PIGN: variants seen among roughly 807,000 people sequenced by gnomAD.
The protein encoded by PIGN is GPI ethanolamine phosphate transferase 1.
PIGN carries 117 observed loss-of-function variants against 125.4 expected under a neutral mutation model. The ratio of observed to expected loss-of-function variants is 0.93; its 90% CI spans 0.80 to 1.09. The LOEUF is 1.09. Ranked by LOEUF, PIGN falls within the 50% of genes least tolerant of loss-of-function variation. PIGN has a pLI of 0.00. For missense variants in PIGN, 1,075 were observed against 1,094.9 expected, an observed-to-expected ratio of 0.98 and a Z score of 0.26; for synonymous variants, 392 against 377.8, an observed-to-expected ratio of 1.04 and a Z score of -0.44.
intron 11 of PIGN, among the ~76,000 whole-genome samples, chr18:62,141,870 G>A (rs1279250489): frequency 1.3e-5 from 2 of 152,118 alleles, no homozygotes; most frequent in Non-Finnish European, 2.9e-5. Flanking sequence ...CTTTCTTCAA[G>A]ACCCTTTAAT....
chr18:62,086,619 T>G (rs113202011), intron 25 of PIGN, among the ~76,000 whole-genome samples: 65 of 24,976 alleles, frequency 2.6e-3, no homozygotes, highest in South Asian at 0.022. Flanking sequence ...CCGTTTTTTG[T>G]TTTTTTTTTT....
chr18:62,041,619 C>T lies in PIGN; in HGVS notation c.*4237G>A, dbSNP rs1056334752. On this transcript the variant is annotated 3_prime_UTR_variant, in exon 31 of 31. Coordinates refer to ENST00000640252, the MANE Select transcript of PIGN (RefSeq NM_176787.5). The stretch of plus-strand genomic sequence containing the variant: ...TCAGGCTCCTGAGTAGCAAGGATTA[C>T]AGGAGCCTACCACCCCGCCGGGTGT... The T allele has an allele frequency of 1.4e-5, 2 of 146,124 alleles. No homozygotes were observed. The highest frequency in any genetic ancestry group is 5.2e-5 in the African/African-American group (2 of 38,466). 9.1% of individuals were successfully genotyped at this position (146,124 alleles called of 1,614,324 possible).
At chr18:62,135,282 A>C (rs961083463) in intron 14 of PIGN, among the ~76,000 whole-genome samples, 4 of 152,148 alleles carry the variant, frequency 2.6e-5, no homozygotes, top group Non-Finnish European at 5.9e-5. Flanking sequence ...ATATGACCTC[A>C]AGAGTCCATT....
chr18:62,171,780 A>T (rs998892886), intron 1 of PIGN, among the ~76,000 whole-genome samples: 15 of 152,206 alleles, frequency 9.9e-5, no homozygotes, highest in African/African-American at 3.1e-4. Context: ...AATATTGATT[A>T]AATTTCAAAT....
intron 17 of PIGN, among the ~76,000 whole-genome samples, chr18:62,109,231 C>A (rs964456132): frequency 6.6e-6 from 1 of 152,150 alleles, no homozygotes; most frequent in East Asian, 1.9e-4. Context: ...CACCAAAGAG[C>A]CTTACTTCTA....
At chr18:62,064,630 T>C (rs1260909039) in intron 30 of PIGN, among the ~76,000 whole-genome samples, 1 of 152,214 alleles carries the variant, frequency 6.6e-6, no homozygotes, top group Non-Finnish European at 1.5e-5. Context: ...CTTCACATCA[T>C]TTCATGAGAC....
chr18:62,067,428 A>C (rs1022531388), intron 30 of PIGN, among the ~76,000 whole-genome samples: 1 of 152,240 alleles, frequency 6.6e-6, no homozygotes, highest in African/African-American at 2.4e-5. Flanking sequence ...AACAACTTCA[A>C]TATATAGAAC....
intron 30 of PIGN, among the ~76,000 whole-genome samples, chr18:62,056,466 C>G (rs1170671616): frequency 6.6e-6 from 1 of 152,060 alleles, no homozygotes; most frequent in Non-Finnish European, 1.5e-5. Context: ...CCTTTCTCCT[C>G]TCCTCAAAGT....
At chr18:62,138,124 A>T (rs1017112681) in intron 14 of PIGN, 119 bp downstream of exon 14, 43 of 1,340,366 alleles carry the variant, frequency 3.2e-5, no homozygotes, top group Non-Finnish European at 4.0e-5. Flanking sequence ...TGGAGTTTAC[A>T]CTAATGTATA....
At chr18:62,155,766 C>T (rs907190431) in intron 6 of PIGN, among the ~76,000 whole-genome samples, 1 of 152,104 alleles carries the variant, frequency 6.6e-6, no homozygotes, top group Non-Finnish European at 1.5e-5. Flanking sequence ...TTGTCCTCTC[C>T]CATCCATTGT....
intron 30 of PIGN, among the ~76,000 whole-genome samples, chr18:62,067,254 C>A (rs369139141): frequency 7.2e-4 from 110 of 152,240 alleles, no homozygotes; most frequent in African/African-American, 2.6e-3. Context: ...TCCTACTAAC[C>A]AGAATTTAAT....
chr18:62,173,708 A>G (rs1206312183), intron 1 of PIGN, among the ~76,000 whole-genome samples: 1 of 152,244 alleles, frequency 6.6e-6, no homozygotes, highest in Non-Finnish European at 1.5e-5. Context: ...TACCTAGCCC[A>G]ACACTTGGCA....
intron 13 of PIGN, 22 bp downstream of exon 13, chr18:62,138,961 C>T (rs1310525780): frequency 2.2e-6 from 3 of 1,343,848 alleles, no homozygotes; most frequent in Non-Finnish European, 2.1e-6. Flanking sequence ...TTTGTGCGTG[C>T]CTTTTTGAAT....
intron 15 of PIGN, among the ~76,000 whole-genome samples, chr18:62,113,675 T>A (rs573721082): frequency 6.6e-6 from 1 of 152,306 alleles, no homozygotes; most frequent in East Asian, 1.9e-4. Flanking sequence ...TTTTTTCTCA[T>A]ATGAGATTAC....
chr18:62,068,110 G>GTTT (rs2032632442), intron 30 of PIGN, among the ~76,000 whole-genome samples: 1 of 152,034 alleles, frequency 6.6e-6, no homozygotes, highest in Non-Finnish European at 1.5e-5. Context: ...TTGTTTGTTT[G>GTTT]TTTGTTTTTT....
At chr18:62,062,897 T>C in intron 30 of PIGN, among the ~76,000 whole-genome samples, 1 of 127,920 alleles carries the variant, frequency 7.8e-6, no homozygotes, top group Non-Finnish European at 1.6e-5. Flanking sequence ...TTTTTTTTTT[T>C]TTTTTTTTTT....
At chr18:62,095,700 G>A (rs1302950876) in intron 23 of PIGN, 148 bp downstream of exon 23, 1 of 575,154 alleles carries the variant, frequency 1.7e-6, no homozygotes, top group Non-Finnish European at 3.2e-6. Context: ...GTCAGATACA[G>A]TTCTCATAGA....
At chr18:62,137,997 T>A (rs970695542) in intron 14 of PIGN, 4 of 452,718 alleles carry the variant, frequency 8.8e-6, no homozygotes, top group African/African-American at 4.1e-5. Flanking sequence ...CCTGTGGAGT[T>A]CACCTGCTTA....
Position 62,095,909 on chromosome 18 carries a change from A to G in PIGN, c.2119T>C (p.Phe707Leu), listed in dbSNP as rs188842844. The G allele has an allele frequency of 2.2e-5, 36 of 1,613,304 alleles. No homozygotes were observed. Among genetic ancestry groups the G allele is most frequent in the Non-Finnish European group, 3.0e-5 (35 of 1,179,364 alleles). The change falls in exon 23 of 31, where the codon TTT becomes CTT. Residue 707 changes from phenylalanine to leucine, a missense_variant. This residue lies in a region of PIGN where 915 missense variants were observed against 908.7 expected (regional missense o/e 1.01). Transcript: ENST00000640252. ...VVPLLSSPVL[F>L]QRLFSILLSL... ...AGAAGTATGCTGAACAATCGCTGAA[A>G]GAGAACTGGAGAACTCAGTAGTGGC...
Sources: allele counts gnomAD v4.1 joint callset (sites outside exome capture counted in the v4.1 genomes callset), GRCh38; gene constraint gnomAD v4.1.1; regional missense constraint gnomAD v4.1.1; transcripts MANE v1.5; gene names NCBI Gene and HGNC (gene_info 2026-07-23, HGNC 2026-07-21).